The following CFAP46 variants were observed in gnomAD, a reference collection of about 807,000 sequenced individuals.
The protein encoded by CFAP46 is cilia- and flagella-associated protein 46.
In CFAP46, 245 loss-of-function variants were observed where a neutral mutation model predicts 325.7. The ratio of observed to expected loss-of-function variants is 0.75; its 90% CI spans 0.68 to 0.84. The LOEUF (loss-of-function observed/expected upper bound fraction) is 0.84. Ranked by LOEUF, CFAP46 falls within the 40% of genes least tolerant of loss-of-function variation. The probability of loss-of-function intolerance (pLI) is 0.00; values close to 1 mark genes in which losing one functional copy is unlikely to be tolerated. For synonymous variants in CFAP46, 1,523 were observed against 1,495.9 expected (o/e 1.02, Z -0.42); for missense variants, 3,346 against 3,543.0 (o/e 0.94, Z 1.41).
chr10:132,887,866 TCC>T (rs1443934949), intron 25 of CFAP46, among the ~76,000 whole-genome samples: 1 of 89,168 alleles, frequency 1.1e-5, no homozygotes, highest in Non-Finnish European at 2.1e-5. Flanking sequence ...TTCTCTCCTC[TCC>T]CTTCTTCTCT....
At chr10:132,833,882 C>G (rs1411743412) in intron 49 of CFAP46, among the ~76,000 whole-genome samples, 159 bp downstream of exon 49, 2 of 152,212 alleles carry the variant, frequency 1.3e-5, no homozygotes, top group African/African-American at 4.8e-5. Flanking sequence ...CCGGGGACCT[C>G]AGGCGCAGGG....
chr10:132,885,323 C>T (rs146895744), intron 26 of CFAP46, 37 bp from the exon 27 acceptor site: 18,306 of 1,514,640 alleles, frequency 0.012, 232 homozygotes, highest in Middle Eastern at 0.057. Context: ...ACGTCAGGAT[C>T]GGGTGGCAGA....
chr10:132,891,494 CAGAT>C (rs1334289418), intron 25 of CFAP46, among the ~76,000 whole-genome samples: 1 of 152,232 alleles, frequency 6.6e-6, no homozygotes. Context: ...CATCGCATGA[CAGAT>C]AGCAGGCCTG....
intron 44 of CFAP46, chr10:132,837,188 A>G (rs962980347): frequency 6.5e-6 from 3 of 460,558 alleles, no homozygotes; most frequent in African/African-American, 4.0e-5. Flanking sequence ...TGCATGACGC[A>G]AAGTGCATGT....
At chr10:132,885,361 A>G in intron 26 of CFAP46, 75 bp from the exon 27 acceptor site, 1 of 1,376,012 alleles carries the variant, frequency 7.3e-7, no homozygotes, top group Non-Finnish European at 9.8e-7. Context: ...TGCAGCCCGG[A>G]CTTATTCCTC....
At chr10:132,913,769 C>G (rs982396208) in intron 17 of CFAP46, among the ~76,000 whole-genome samples, 1 of 152,122 alleles carries the variant, frequency 6.6e-6, no homozygotes, top group Non-Finnish European at 1.5e-5. Flanking sequence ...GTCTGTGGAG[C>G]CCTGGGCTCA....
At chr10:132,816,158 C>T (rs369315344) in intron 50 of CFAP46, among the ~76,000 whole-genome samples, 8 of 151,912 alleles carry the variant, frequency 5.3e-5, no homozygotes, top group Admixed American at 3.9e-4. Context: ...CAAAGTTGCT[C>T]GGGGACTTCC....
chr10:132,843,220 C>T (rs1206841581), intron 44 of CFAP46, among the ~76,000 whole-genome samples: 2 of 152,336 alleles, frequency 1.3e-5, no homozygotes, highest in East Asian at 3.9e-4. Context: ...GCGTCCTCTC[C>T]AGGCACCACA....
Position 132,808,688 on chromosome 10 carries a change from G to A in CFAP46, c.7881C>T (p.Ile2627=). The A allele has an allele frequency of 1.3e-6, 2 of 1,573,438 alleles. No homozygotes were observed. Among genetic ancestry groups the A allele is most frequent in the Non-Finnish European group, 1.7e-6 (2 of 1,159,338 alleles). The change falls in exon 58 of 58, where the codon ATC becomes ATT. Residue 2627 remains isoleucine (I), a synonymous_variant. Transcript: ENST00000368586. The surrounding 1 kb of genome is among the most constrained non-coding windows in gnomAD (Gnocchi z 6.8). ...AGGGGAGAGCGAGCTGGGAGCTGGG[G>A]ATGGGAGCCGGGAGGTGGGGATGGG... The part of the protein sequence containing the change: ...LPTHPHLPAP[I]PSSQLALPFL...
In CFAP46 at chr10:132,846,243, G is replaced by A. The variant is rs373281817; in HGVS notation, c.6268-16C>T. On this transcript the variant is annotated splice_polypyrimidine_tract_variant and intron_variant, in intron 43 of 57. Coordinates refer to ENST00000368586, the MANE Select transcript of CFAP46 (RefSeq NM_001200049.3). ...CCGAGCAGCTCTGAAAGGGAGCAGG[G>A]GAGGTGTACCAGGGGCCCGAGGCCT... is the stretch of plus-strand genomic sequence containing the variant. 1.2e-6 allele frequency: 2 copies of A among 1,609,544 alleles called. No homozygotes were observed. The highest frequency in any genetic ancestry group is 1.7e-6 in the Non-Finnish European group (2 of 1,178,666).
chr10:132,851,381 A>G, intron 39 of CFAP46, 76 bp from the exon 40 acceptor site: 1 of 1,404,984 alleles, frequency 7.1e-7, no homozygotes. Context: ...AACTTGGATG[A>G]GGCATAACCG....
At chr10:132,922,034 C>T (rs940496877) in intron 13 of CFAP46, 70 bp downstream of exon 13, 10 of 1,502,360 alleles carry the variant, frequency 6.7e-6, no homozygotes, top group Non-Finnish European at 8.1e-6. Flanking sequence ...ACTGGGGAGG[C>T]CCCGGGGCAG....
At chr10:132,860,106 C>G (rs1239154425) in intron 37 of CFAP46, among the ~76,000 whole-genome samples, 3 of 152,234 alleles carry the variant, frequency 2.0e-5, no homozygotes, top group Admixed American at 6.5e-5. Flanking sequence ...ACACTCCCTA[C>G]AAATTTATAC....
rs1194280403 is a variant in CFAP46, at chr10:132,847,226, T to A, written c.6048A>T (p.Ala2016=). 1 of 1,613,242 alleles carries A rather than the reference T, an allele frequency of 6.2e-7. No homozygotes were observed. Among genetic ancestry groups the A allele is most frequent in the Non-Finnish European group, 8.5e-7 (1 of 1,179,928 alleles). Residue 2016 remains alanine (A), a synonymous_variant, in exon 42 of 58, where the codon GCA becomes GCT. Coordinates refer to ENST00000368586, the MANE Select transcript of CFAP46 (RefSeq NM_001200049.3). The surrounding 1 kb of genome is among the most constrained non-coding windows in gnomAD (Gnocchi z 5.2). ...CTCTCCTGCAGTGCTCCTCCGGGGC[T>A]GCCCTGGAGGCCGGCGGGTCCCTGC... is the stretch of plus-strand genomic sequence containing the variant. The part of the protein sequence containing the change: ...KSSRDPPASR[A]APEEHCRRGE...
chr10:132,905,450 CTTTTT>C (rs71013581), intron 22 of CFAP46, among the ~76,000 whole-genome samples: 8 of 130,088 alleles, frequency 6.1e-5, no homozygotes, highest in Admixed American at 1.5e-4. Context: ...CATATCTTTC[CTTTTT>C]TTTTTTTTTT....
intron 44 of CFAP46, among the ~76,000 whole-genome samples, chr10:132,843,738 T>A: frequency 7.3e-6 from 1 of 136,358 alleles, no homozygotes; most frequent in African/African-American, 2.8e-5. Context: ...CTGGTGGGTG[T>A]TCCCAGGGTG....
In CFAP46 at chr10:132,857,677, G is replaced by A; in HGVS notation, c.5487C>T (p.Ile1829=). 6.2e-7 allele frequency: 1 copy of A among 1,613,126 alleles called. No individual in the cohort carries two copies. Among genetic ancestry groups the A allele is most frequent in the Non-Finnish European group, 8.5e-7 (1 of 1,179,616 alleles). ...CCTGGGCCAGGCCATATAAGCCCTG[G>A]ATGCTGTGAAGCCTCCCTTCTTCCT... The part of the protein sequence containing the change: ...VAEEEGRLHS[I]QGLYGLAQGA... The change falls in exon 39 of 58, where the codon ATC becomes ATT. Residue 1829 remains isoleucine, a synonymous_variant. Coordinates refer to ENST00000368586, the MANE Select transcript of CFAP46 (RefSeq NM_001200049.3).
At chr10:132,811,817 T>G (rs960327921) in intron 55 of CFAP46, among the ~76,000 whole-genome samples, 2 of 152,058 alleles carry the variant, frequency 1.3e-5, no homozygotes, top group South Asian at 2.1e-4. Context: ...CAGAGCAGAG[T>G]GGGGGTCCTG....
At position 132,938,647 on chromosome 10, in the gene CFAP46, T is replaced by A; in HGVS notation, c.478A>T (p.Ile160Leu). The change falls in exon 5 of 58, where the codon ATA (isoleucine) becomes TTA (leucine). Residue 160 changes from isoleucine to leucine, a missense_variant. Coordinates refer to ENST00000368586, the MANE Select transcript of CFAP46 (RefSeq NM_001200049.3). ...HHLIPSLSQI[I>L]NVLSQTEEED... ...TCCTCAGTCTGACTCAGCACGTTTATGATTTGGGAAAGGCTGGGGATCAGA... is the reference window on the plus strand; with the variant it reads ...TCCTCAGTCTGACTCAGCACGTTTAAGATTTGGGAAAGGCTGGGGATCAGA... 6.2e-7 allele frequency: 1 copy of A among 1,613,712 alleles called. No individual in the cohort carries two copies.
Sources: gnomAD v4.1 joint callset for allele counts (sites outside exome capture counted in the v4.1 genomes callset) on GRCh38, gnomAD v4.1.1 for gene constraint, Gnocchi (gnomAD v3.1) non-coding constraint, MANE v1.5 for transcripts, NCBI Gene and HGNC (gene_info 2026-07-23, HGNC 2026-07-21) for gene names.